Variants in VRK2 observed in about 807,000 individuals in gnomAD.
The protein encoded by VRK2 is VRK serine/threonine kinase 2, also known as serine/threonine-protein kinase VRK2.
VRK2 carries 60 observed loss-of-function variants against 57.6 expected under a neutral mutation model. That is an observed-to-expected ratio of 1.04 (90% CI 0.85 to 1.29). VRK2 has a LOEUF of 1.29. Among genes scored for constraint, VRK2 ranks in the 50% most tolerant of loss-of-function variants. The probability of loss-of-function intolerance (pLI) is 0.00; values close to 1 mark genes in which losing one functional copy is unlikely to be tolerated. For missense variants in VRK2, 705 were observed against 588.1 expected (o/e 1.20, Z -2.06); for synonymous variants, 231 against 199.2 (o/e 1.16, Z -1.35).
chr2:57,957,910 C>T (rs772632274), intron 1 of VRK2, among the ~76,000 whole-genome samples: 8 of 152,028 alleles, frequency 5.3e-5, no homozygotes, highest in South Asian at 4.1e-4. Flanking sequence ...TGCCAAATTC[C>T]CCATCCATTT....
At chr2:58,015,741 G>C (rs1209592910) in intron 1 of VRK2, among the ~76,000 whole-genome samples, 2 of 151,672 alleles carry the variant, frequency 1.3e-5, no homozygotes, top group East Asian at 3.9e-4. Flanking sequence ...CTAAAATTTT[G>C]AGAAAAAATA....
intron 1 of VRK2, among the ~76,000 whole-genome samples, chr2:57,987,352 C>T (rs1481433737): frequency 2.6e-5 from 4 of 151,944 alleles, no homozygotes; most frequent in African/African-American, 7.3e-5. Context: ...AAACTCTGAA[C>T]AAATACTTCA....
intron 3 of VRK2, 108 bp downstream of exon 3, chr2:58,084,246 C>A: frequency 8.8e-7 from 1 of 1,137,392 alleles, no homozygotes; most frequent in Admixed American, 2.6e-5. Flanking sequence ...TATCAGTAAA[C>A]CTAATGTTAT....
At chr2:57,985,640 A>T (rs894573733) in intron 1 of VRK2, among the ~76,000 whole-genome samples, 1 of 152,146 alleles carries the variant, frequency 6.6e-6, no homozygotes, top group Admixed American at 6.5e-5. Context: ...CTAAGATCAG[A>T]ACCAAAATAA....
chr2:57,972,486 T>C (rs1254113139), intron 1 of VRK2, among the ~76,000 whole-genome samples: 1 of 151,854 alleles, frequency 6.6e-6, no homozygotes, highest in Non-Finnish European at 1.5e-5. Flanking sequence ...TTCTGCATTA[T>C]TTTGGTCTTT....
chr2:58,128,657 G>A (rs549953611), intron 8 of VRK2, among the ~76,000 whole-genome samples: 129 of 152,162 alleles, frequency 8.5e-4, no homozygotes, highest in African/African-American at 3.0e-3. Context: ...GATTGAGCAC[G>A]GGCTTTGGTT....
intron 1 of VRK2, among the ~76,000 whole-genome samples, chr2:57,915,735 A>G (rs780595067): frequency 6.6e-6 from 1 of 152,296 alleles, no homozygotes; most frequent in Admixed American, 6.5e-5. Context: ...GGGGTCCCCA[A>G]CCCGCTGGGC....
At chr2:58,135,335 CA>C (rs1679858831) in intron 10 of VRK2, 136 bp downstream of exon 10, 3 of 806,370 alleles carry the variant, frequency 3.7e-6, no homozygotes, top group East Asian at 2.5e-5. Flanking sequence ...CTTCATGTTG[CA>C]AATAAGTTGC....
At chr2:58,135,681 T>A (rs531046166) in intron 10 of VRK2, among the ~76,000 whole-genome samples, 62 of 152,130 alleles carry the variant, frequency 4.1e-4, no homozygotes, top group African/African-American at 6.7e-4. Flanking sequence ...CAAAAAAAAA[T>A]TTTTATTAGC....
At chr2:58,061,113 A>G (rs2103892532) in intron 2 of VRK2, among the ~76,000 whole-genome samples, 1 of 152,048 alleles carries the variant, frequency 6.6e-6, no homozygotes, top group Non-Finnish European at 1.5e-5. Flanking sequence ...TAAGAACTGT[A>G]AGTTATGAAT....
chr2:58,085,049 C>A, intron 4 of VRK2, 99 bp downstream of exon 4: 1 of 1,104,902 alleles, frequency 9.1e-7, no homozygotes, highest in South Asian at 1.7e-5. Context: ...AAATTCTTTT[C>A]AATAGAAATT....
chr2:57,936,531 G>GT (rs539088139), intron 1 of VRK2, among the ~76,000 whole-genome samples: 11,861 of 134,642 alleles, frequency 0.088, 580 homozygotes, highest in African/African-American at 0.15. Flanking sequence ...TTGTTTTTTT[G>GT]TTTTTTTTTT....
chr2:58,052,240 T>C (rs902575022), intron 2 of VRK2, among the ~76,000 whole-genome samples: 3 of 152,198 alleles, frequency 2.0e-5, no homozygotes, highest in African/African-American at 7.2e-5. Context: ...TAAATGAGAT[T>C]TTTTTAAGGA....
chr2:58,154,775 T>C (rs1353821696), intron 12 of VRK2: 1 of 717,866 alleles, frequency 1.4e-6, no homozygotes, highest in Non-Finnish European at 2.6e-6. Context: ...GCTTAGGCTA[T>C]TGATTTGAAC....
intron 2 of VRK2, among the ~76,000 whole-genome samples, chr2:58,073,730 C>A (rs1444309591): frequency 6.6e-6 from 1 of 151,070 alleles, no homozygotes; most frequent in Admixed American, 6.6e-5. Context: ...ATCACAAGGT[C>A]CCACAATAGG....
intron 1 of VRK2, among the ~76,000 whole-genome samples, chr2:57,997,525 T>C (rs948519393): frequency 3.9e-5 from 6 of 152,186 alleles, no homozygotes; most frequent in African/African-American, 1.4e-4. Flanking sequence ...TTGGGAAACA[T>C]AAGAGGGACA....
intron 1 of VRK2, chr2:58,047,092 C>T (rs1288982020): frequency 3.2e-6 from 2 of 620,154 alleles, no homozygotes; most frequent in South Asian, 1.4e-4. Context: ...CTTCTACTCA[C>T]GTTTGCCAAA....
chr2:57,975,684 A>C (rs1225922332), intron 1 of VRK2, among the ~76,000 whole-genome samples: 1 of 151,420 alleles, frequency 6.6e-6, no homozygotes, highest in Non-Finnish European at 1.5e-5. Context: ...CCTGTCCCCA[A>C]CCATGTACCC....
Position 58,159,503 on chromosome 2 carries a change from GATCTCC to G in VRK2, c.1342_1347del (p.Pro448_Ser449del). On this transcript the variant is annotated inframe_deletion, in exon 13 of 13. Coordinates refer to ENST00000340157, the MANE Select transcript of VRK2 (RefSeq NM_006296.7). ...AGTCCAGATATATTCAAGAAGTCAA[GATCTCC>G]ATCTTGGTATAAATACACTTCCACA... The G allele has an allele frequency of 6.2e-7, 1 of 1,613,654 alleles. No individual in the cohort carries two copies. The highest frequency in any genetic ancestry group is 2.2e-5 in the East Asian group (1 of 44,842).
Sources: gnomAD v4.1 joint callset for allele counts (sites outside exome capture counted in the v4.1 genomes callset) on GRCh38, gnomAD v4.1.1 for gene constraint, MANE v1.5 for transcripts, NCBI Gene and HGNC (gene_info 2026-07-23, HGNC 2026-07-21) for gene names.